The following KIAA0825 variants were observed in gnomAD, a reference collection of about 807,000 sequenced individuals.
The protein encoded by KIAA0825 is KIAA0825.
A neutral mutation model predicts 147.6 loss-of-function variants in KIAA0825; 119 were observed. The observed-to-expected ratio is 0.81, with a 90% CI of 0.69 to 0.94. The LOEUF is 0.94. Among genes scored for constraint, KIAA0825 ranks in the 40% least tolerant of loss-of-function variants. The pLI, the probability that KIAA0825 is intolerant of heterozygous loss-of-function variation, is 0.00. For missense variants in KIAA0825, 1,381 were observed against 1,472.7 expected (o/e 0.94, Z 1.02); for synonymous variants, 470 against 518.1 (o/e 0.91, Z 1.26).
At chr5:94,186,700 G>A (rs768247890) in intron 20 of KIAA0825, among the ~76,000 whole-genome samples, 8 of 152,166 alleles carry the variant, frequency 5.3e-5, no homozygotes, top group African/African-American at 9.7e-5. Context: ...GTATACACAC[G>A]AAGGAGCTAC....
intron 20 of KIAA0825, among the ~76,000 whole-genome samples, chr5:94,169,334 C>G (rs1229519836): frequency 2.0e-5 from 3 of 152,112 alleles, no homozygotes; most frequent in African/African-American, 7.2e-5. Flanking sequence ...GTAATCTCAG[C>G]ACTTTGGGAG....
chr5:94,155,391 T>A (rs769392642), intron 20 of KIAA0825, among the ~76,000 whole-genome samples: 17 of 151,572 alleles, frequency 1.1e-4, no homozygotes, highest in Middle Eastern at 6.8e-3. Flanking sequence ...CCAATTTTTT[T>A]AATTTTTTGT....
intron 5 of KIAA0825, among the ~76,000 whole-genome samples, chr5:94,488,201 CTT>C (rs1763292241): frequency 1.3e-5 from 2 of 152,148 alleles, no homozygotes; most frequent in African/African-American, 2.4e-5. Flanking sequence ...CTTCTGAAAA[CTT>C]TTTGGATACA....
chr5:94,556,720 A>C (rs1433110325), intron 2 of KIAA0825, among the ~76,000 whole-genome samples: 1 of 152,200 alleles, frequency 6.6e-6, no homozygotes, highest in Non-Finnish European at 1.5e-5. Flanking sequence ...AGCAGACTAT[A>C]AACATGTCCA....
chr5:94,542,594 G>A (rs148568564), intron 2 of KIAA0825, among the ~76,000 whole-genome samples: 6,896 of 152,268 alleles, frequency 0.045, 224 homozygotes, highest in Non-Finnish European at 0.064. Context: ...ATCACCTGAG[G>A]TCAGGAGTTT....
At chr5:94,449,377 A>G (rs1584521939) in intron 13 of KIAA0825, among the ~76,000 whole-genome samples, 1 of 152,298 alleles carries the variant, frequency 6.6e-6, no homozygotes, top group Admixed American at 6.5e-5. Flanking sequence ...AAATGGACTA[A>G]GGTTGTTATA....
Position 94,396,551 on chromosome 5 carries a change from C to T in KIAA0825, c.2888-42G>A, listed in dbSNP as rs535318555. 1.1e-4 allele frequency: 160 copies of T among 1,422,608 alleles called. 2 individuals are homozygous for T. In the South Asian group the frequency reaches 1.7e-3, roughly 15 times the overall value. 88.1% of individuals were successfully genotyped at this position (1,422,608 alleles called of 1,614,324 possible). On this transcript the variant is annotated intron_variant, in intron 16 of 20. Coordinates refer to ENST00000682413, the MANE Select transcript of KIAA0825 (RefSeq NM_001145678.3). The stretch of plus-strand genomic sequence containing the variant: ...AAGGTATGATTAATATTAGCATTTG[C>T]GTTCAATCACTGCATGGTTTTGTGT...
At chr5:94,345,685 A>G (rs933963936) in intron 20 of KIAA0825, among the ~76,000 whole-genome samples, 1 of 152,190 alleles carries the variant, frequency 6.6e-6, no homozygotes, top group Non-Finnish European at 1.5e-5. Context: ...TCCCTTTAGA[A>G]AATAAATTTC....
intron 20 of KIAA0825, among the ~76,000 whole-genome samples, chr5:94,168,107 A>G (rs1259691906): frequency 1.3e-5 from 2 of 151,310 alleles, no homozygotes; most frequent in African/African-American, 2.4e-5. Context: ...TTTAAAATAC[A>G]TAGAAATACA....
intron 1 of KIAA0825, chr5:94,594,717 T>C: frequency 1.6e-6 from 1 of 633,084 alleles, no homozygotes; most frequent in Admixed American, 2.0e-5. Context: ...TGAATGGAAC[T>C]CTATGGCACT....
chr5:94,470,167 TAACA>T, intron 9 of KIAA0825, 56 bp from the exon 10 acceptor site: 23 of 1,325,496 alleles, frequency 1.7e-5, no homozygotes, highest in East Asian at 2.7e-5. Flanking sequence ...CAGTAGGAGA[TAACA>T]ATCTCCAGTA....
At chr5:94,316,704 G>C (rs1265268735) in intron 20 of KIAA0825, among the ~76,000 whole-genome samples, 2 of 151,762 alleles carry the variant, frequency 1.3e-5, no homozygotes, top group Non-Finnish European at 1.5e-5. Flanking sequence ...TCAGGCTTTA[G>C]TTGTTCATCT....
chr5:94,170,985 C>G (rs1241232586), intron 20 of KIAA0825, among the ~76,000 whole-genome samples: 1 of 152,146 alleles, frequency 6.6e-6, no homozygotes, highest in Non-Finnish European at 1.5e-5. Flanking sequence ...TTAAATTACA[C>G]AAAAAGAGTG....
chr5:94,164,355 CAT>C (rs1371248948), intron 20 of KIAA0825, among the ~76,000 whole-genome samples: 1 of 151,652 alleles, frequency 6.6e-6, no homozygotes, highest in African/African-American at 2.4e-5. Flanking sequence ...AAAAAAGACA[CAT>C]AGACTAATGG....
chr5:94,519,451 A>G, intron 5 of KIAA0825: 3 of 904,924 alleles, frequency 3.3e-6, no homozygotes, highest in Non-Finnish European at 4.0e-6. Flanking sequence ...CTCCACTGGT[A>G]GGAAAGTACA....
chr5:94,194,043 A>C (rs1393957518), intron 20 of KIAA0825, among the ~76,000 whole-genome samples: 2 of 152,166 alleles, frequency 1.3e-5, no homozygotes, highest in African/African-American at 4.8e-5. Flanking sequence ...CCCAAGGTAA[A>C]GGTCAAACCA....
At chr5:94,473,180 G>C in intron 8 of KIAA0825, 112 bp downstream of exon 8, 1 of 792,878 alleles carries the variant, frequency 1.3e-6, no homozygotes, top group Non-Finnish European at 2.0e-6. Context: ...CAAGTACCAA[G>C]TACTTGCCAA....
rs867196473 is a variant in KIAA0825 at position 94,522,866 on chromosome 5, G to A, written c.300+1064C>T. 5.3e-5 allele frequency among the ~76,000 whole-genome samples: 8 copies of A among 151,674 alleles called. No individual in the cohort carries two copies. The East Asian group carries it at 7.7e-4, about 15-fold the overall frequency. ...GACAGATTAAAAGATAATTAAAAGC[G>A]TTTGCTTTTAATTAAATGAGAAAGC... is the stretch of plus-strand genomic sequence containing the variant. On this transcript the variant is annotated intron_variant, in intron 4 of 20. Coordinates refer to ENST00000682413, the MANE Select transcript of KIAA0825 (RefSeq NM_001145678.3).
chr5:94,429,844 C>G (rs1755424847), intron 14 of KIAA0825, among the ~76,000 whole-genome samples: 1 of 152,238 alleles, frequency 6.6e-6, no homozygotes, highest in African/African-American at 2.4e-5. Flanking sequence ...GTTCTCTACA[C>G]AGGTATGGGG....
Sources: gnomAD v4.1 joint callset for allele counts (sites outside exome capture counted in the v4.1 genomes callset) on GRCh38, gnomAD v4.1.1 for gene constraint, MANE v1.5 for transcripts, NCBI Gene and HGNC (gene_info 2026-07-23, HGNC 2026-07-21) for gene names.